The following CSRP2 variants were observed in gnomAD, a reference collection of about 807,000 sequenced individuals.
CSRP2 encodes cysteine and glycine-rich protein 2.
Under a neutral mutation model 24.6 loss-of-function variants are expected in CSRP2, and 18 were observed. The observed-to-expected ratio is 0.73, with a 90% confidence interval of 0.51 to 1.09. The LOEUF (loss-of-function observed/expected upper bound fraction) is 1.09. Among genes scored for constraint, CSRP2 ranks in the 50% least tolerant of loss-of-function variants. CSRP2 has a pLI of 0.00. For missense variants in CSRP2, 215 were observed against 239.4 expected, an observed-to-expected ratio of 0.90 and a Z score of 0.67; for synonymous variants, 87 against 84.3, an observed-to-expected ratio of 1.03 and a Z score of -0.18.
intron 1 of CSRP2, among the ~76,000 whole-genome samples, chr12:76,869,529 A>AACACACGCACACACAC (rs1555192081): frequency 2.4e-4 from 32 of 135,420 alleles, no homozygotes; most frequent in South Asian, 1.8e-3. Flanking sequence ...TAAAACAAAC[A>AACACACGCACACACAC]ACACACACAC....
rs751502408 is a variant in CSRP2 at position 76,863,156 on chromosome 12, C to G, written c.281+20G>C. 3 of 1,598,602 alleles carry G rather than the reference C, an allele frequency of 1.9e-6. No homozygotes were observed. The highest frequency in any genetic ancestry group is 2.6e-6 in the Non-Finnish European group (3 of 1,169,726). The stretch of plus-strand genomic sequence containing the variant: ...TGTCGCAACTCATTTCTGAAGGTAA[C>G]CAACGGTCTCCCAACTCACCTCTCT... On this transcript the variant is annotated intron_variant, in intron 3 of 5. Transcript: ENST00000311083.
chr12:76,860,413 A>G lies in CSRP2; in HGVS notation c.282T>C (p.Ser94=). 1.3e-6 allele frequency: 2 copies of G among 1,586,190 alleles called. No individual in the cohort carries two copies. The highest frequency in any genetic ancestry group is 2.3e-5 in the East Asian group (1 of 43,582). The change falls in exon 4 of 6, where the codon AGT becomes AGC. Residue 94 remains serine, a splice_region_variant and synonymous_variant. Coordinates refer to ENST00000311083, the MANE Select transcript of CSRP2 (RefSeq NM_001321.3). ...TTGTTGTAGGCCTGTGAGGCTGAAC[A>G]CTTGTGAAAAGAGGAAAAAAAAAGT... ...RGERLGIKPE[S]VQPHRPTTNP... is the part of the protein sequence containing the mutation.
chr12:76,873,669 T>C (rs192329640), intron 1 of CSRP2, among the ~76,000 whole-genome samples: 242 of 152,310 alleles, frequency 1.6e-3, no homozygotes, highest in African/African-American at 5.0e-3. Context: ...ACCATCTTTA[T>C]AGAGTTATAG....
At chr12:76,864,169 C>T (rs534652964) in intron 2 of CSRP2, 26 of 152,288 alleles carry the variant, frequency 1.7e-4, no homozygotes, top group Admixed American at 1.2e-3. Context: ...GACATTATTT[C>T]ATTTTCTAAA....
At chr12:76,870,698 T>C (rs1014641650) in intron 1 of CSRP2, among the ~76,000 whole-genome samples, 3 of 141,396 alleles carry the variant, frequency 2.1e-5, no homozygotes, top group Non-Finnish European at 4.7e-5. Context: ...TGGATTTACA[T>C]TTTTTTTTTT....
chr12:76,878,571 C>T (rs1003536717), intron 1 of CSRP2, among the ~76,000 whole-genome samples: 1 of 152,212 alleles, frequency 6.6e-6, no homozygotes, highest in African/African-American at 2.4e-5. Flanking sequence ...GGACCGACGG[C>T]TGCTAAGAGG....
At chr12:76,864,142 T>C (rs898659991) in intron 2 of CSRP2, 9 of 152,230 alleles carry the variant, frequency 5.9e-5, no homozygotes, top group African/African-American at 2.2e-4. Context: ...CTGCCAAATG[T>C]CATCGAGTTT....
At chr12:76,866,118 C>T (rs1194582688) in intron 2 of CSRP2, 31 bp downstream of exon 2, 9 of 1,535,762 alleles carry the variant, frequency 5.9e-6, no homozygotes, top group East Asian at 2.3e-5. Flanking sequence ...ATACAAATTC[C>T]GTCAAAGGTG....
At chr12:76,872,428 G>A (rs1447040386) in intron 1 of CSRP2, among the ~76,000 whole-genome samples, 1 of 152,182 alleles carries the variant, frequency 6.6e-6, no homozygotes, top group Non-Finnish European at 1.5e-5. Flanking sequence ...AAGCATCTCT[G>A]GAAAAGTTTC....
intron 1 of CSRP2, 75 bp from the exon 2 acceptor site, chr12:76,866,336 G>A (rs1322369844): frequency 8.9e-7 from 1 of 1,129,664 alleles, no homozygotes; most frequent in Non-Finnish European, 1.3e-6. Flanking sequence ...TTAAGCCCAG[G>A]GACAGCTGCA....
chr12:76,876,360 A>G (rs1278464130), intron 1 of CSRP2, among the ~76,000 whole-genome samples: 1 of 152,224 alleles, frequency 6.6e-6, no homozygotes, highest in Admixed American at 6.5e-5. Flanking sequence ...AATTTTTAAC[A>G]ATCAGAAATT....
intron 1 of CSRP2, among the ~76,000 whole-genome samples, chr12:76,871,614 C>CAAAAAA (rs1953799371): frequency 6.6e-6 from 1 of 151,990 alleles, no homozygotes; most frequent in African/African-American, 2.4e-5. Flanking sequence ...ACTAAAAATA[C>CAAAAAA]TTAGCCGGGC....
chr12:76,865,603 A>G (rs911874746), intron 2 of CSRP2: 1 of 152,376 alleles, frequency 6.6e-6, no homozygotes, highest in Non-Finnish European at 1.5e-5. Flanking sequence ...TACTATTGAT[A>G]AGGCAAACAT....
intron 1 of CSRP2, among the ~76,000 whole-genome samples, chr12:76,876,540 T>G (rs1953852870): frequency 6.6e-6 from 1 of 152,224 alleles, no homozygotes; most frequent in South Asian, 2.1e-4. Context: ...CCACATACTT[T>G]ATGTTACGTC....
rs567044261 is a variant in CSRP2, at chr12:76,872,276, C to T, written c.-1-6015G>A. ...CCAAAATTCATAAGACTCACCCATG[C>T]GGAAAAACTGATATAGTCTAAGTCT... On this transcript the variant is annotated intron_variant, in intron 1 of 5. Coordinates refer to ENST00000311083, the MANE Select transcript of CSRP2 (RefSeq NM_001321.3). Among the ~76,000 whole-genome samples, 14 of 152,252 alleles carry T rather than the reference C, an allele frequency of 9.2e-5. No individual in the cohort carries two copies. In the South Asian group the frequency reaches 2.3e-3, roughly 25 times the overall value.
At chr12:76,861,265 C>A (rs1198134763) in intron 3 of CSRP2, 1 of 151,496 alleles carries the variant, frequency 6.6e-6, no homozygotes, top group Non-Finnish European at 1.5e-5. Context: ...CAATGTCTTC[C>A]TAGCACTTTG....
chr12:76,872,448 C>T (rs57860359), intron 1 of CSRP2, among the ~76,000 whole-genome samples: 1,837 of 152,252 alleles, frequency 0.012, 26 homozygotes, highest in African/African-American at 0.042. Context: ...CTTGTAAAGC[C>T]CTGGCTCTTA....
intron 1 of CSRP2, among the ~76,000 whole-genome samples, chr12:76,877,822 T>A (rs1477857787): frequency 5.3e-5 from 8 of 152,200 alleles, no homozygotes. Flanking sequence ...TGAGTCAAAG[T>A]ACAGCCAACT....
At chr12:76,862,237 A>G (rs925553480) in intron 3 of CSRP2, 23 of 152,312 alleles carry the variant, frequency 1.5e-4, no homozygotes, top group African/African-American at 5.3e-4. Context: ...GGTTAAAAGT[A>G]GGAGTTAGGA....
Sources: allele counts gnomAD v4.1 joint callset (sites outside exome capture counted in the v4.1 genomes callset), GRCh38; gene constraint gnomAD v4.1.1; transcripts MANE v1.5; gene names NCBI Gene and HGNC (gene_info 2026-07-23, HGNC 2026-07-21).